SUPV3L1: variants seen among roughly 807,000 people sequenced by gnomAD.
The protein encoded by SUPV3L1 is Suv3 like RNA helicase.
In SUPV3L1, 35 loss-of-function variants were observed where a neutral mutation model predicts 70.0. The ratio of observed to expected loss-of-function variants is 0.50; its 90% CI spans 0.38 to 0.66. The LOEUF (loss-of-function observed/expected upper bound fraction) is 0.66, where lower values mean the gene tolerates loss of function less well. Ranked by LOEUF, SUPV3L1 falls within the 30% of genes least tolerant of loss-of-function variation. The probability of loss-of-function intolerance (pLI) is 0.00; values close to 1 mark genes in which losing one functional copy is unlikely to be tolerated. For missense variants in SUPV3L1, 777 were observed against 961.5 expected (o/e 0.81, Z 2.54); for synonymous variants, 364 against 341.9 (o/e 1.06, Z -0.71).
At chr10:69,189,557 G>C (rs752201849) in intron 5 of SUPV3L1, 122 bp downstream of exon 5, 3 of 1,008,580 alleles carry the variant, frequency 3.0e-6, no homozygotes, top group Non-Finnish European at 4.1e-6. Flanking sequence ...TTGTGTCTAA[G>C]AGGCTGTCAA....
chr10:69,196,986 T>G lies in SUPV3L1; in HGVS notation c.932-6T>G. The G allele has an allele frequency of 6.2e-7, 1 of 1,613,460 alleles. No individual in the cohort carries two copies. The highest frequency in any genetic ancestry group is 2.2e-5 in the East Asian group (1 of 44,872). Reference sequence around the variant, plus strand: ...AAAATTAAGAAACCCAGTTTTGCATTGACAGGACTGTGTGCTGAAGAGGTT... The same window carrying G: ...AAAATTAAGAAACCCAGTTTTGCATGGACAGGACTGTGTGCTGAAGAGGTT... On this transcript the variant is annotated splice_polypyrimidine_tract_variant and splice_region_variant and intron_variant, in intron 7 of 14. Coordinates refer to ENST00000359655, the MANE Select transcript of SUPV3L1 (RefSeq NM_003171.5).
intron 3 of SUPV3L1, 164 bp from the exon 4 acceptor site, chr10:69,187,478 A>G (rs989875771): frequency 4.2e-6 from 2 of 479,598 alleles, no homozygotes; most frequent in African/African-American, 4.0e-5. Flanking sequence ...TCAGCTTTCC[A>G]AAGTGGTGGG....
intron 3 of SUPV3L1, 153 bp from the exon 4 acceptor site, chr10:69,187,489 A>T: frequency 1.9e-6 from 1 of 521,768 alleles, no homozygotes; most frequent in Non-Finnish European, 3.4e-6. Context: ...AAGTGGTGGG[A>T]TTGTTGACGT....
Position 69,196,995 on chromosome 10 carries a change from T to C in SUPV3L1, c.935T>C (p.Leu312Pro). ...GWAWTRALLG[L>P]CAEEVHLCGE... is the part of the protein sequence containing the mutation. ...AAACCCAGTTTTGCATTGACAGGAC[T>C]GTGTGCTGAAGAGGTTCATTTGTGT... Residue 312 changes from leucine to proline, a missense_variant, in exon 8 of 15, where the codon CTG (leucine) becomes CCG (proline). Leu to Pro is a moderately conservative substitution (Grantham distance 98, BLOSUM62 -3). Coordinates refer to ENST00000359655, the MANE Select transcript of SUPV3L1 (RefSeq NM_003171.5). 1.2e-6 allele frequency: 2 copies of C among 1,614,010 alleles called. No individual in the cohort carries two copies. The highest frequency in any genetic ancestry group is 8.5e-7 in the Non-Finnish European group (1 of 1,179,894).
chr10:69,186,305 T>C, intron 2 of SUPV3L1, 138 bp from the exon 3 acceptor site: 1 of 575,336 alleles, frequency 1.7e-6, no homozygotes, highest in Non-Finnish European at 2.7e-6. Flanking sequence ...GCCCAGATCA[T>C]AATAAACCAG....
chr10:69,186,465 C>T lies in SUPV3L1; in HGVS notation c.372C>T (p.Phe124=). 1 of 1,613,482 alleles carries T rather than the reference C, an allele frequency of 6.2e-7. No individual in the cohort carries two copies. The highest frequency in any genetic ancestry group is 8.5e-7 in the Non-Finnish European group (1 of 1,179,710). ...GLDARLFHQA[F]ISFRNYIMQS... is the part of the protein sequence containing the mutation. ...CAGCTCGTCTCTTCCACCAAGCTTT[C>T]ATAAGCTTTAGAAATTATATTATGC... Residue 124 remains phenylalanine, a synonymous_variant, in exon 3 of 15, where the codon TTC becomes TTT. Transcript: ENST00000359655.
At chr10:69,185,935 T>C (rs1842214406) in intron 1 of SUPV3L1, 52 bp from the exon 2 acceptor site, 1 of 1,415,862 alleles carries the variant, frequency 7.1e-7, no homozygotes. Context: ...TTGCTTTTTT[T>C]CAGCATTTAT....
chr10:69,194,344 A>C (rs560055751), intron 6 of SUPV3L1, among the ~76,000 whole-genome samples: 5 of 151,788 alleles, frequency 3.3e-5, no homozygotes, highest in Non-Finnish European at 7.4e-5. Context: ...CTCATCTCTA[A>C]AGAAAAAAAA....
chr10:69,184,332 C>G (rs944995953), intron 1 of SUPV3L1, among the ~76,000 whole-genome samples: 1 of 151,900 alleles, frequency 6.6e-6, no homozygotes, highest in Non-Finnish European at 1.5e-5. Flanking sequence ...AGTTCGAGAC[C>G]GGCCTGACCA....
At position 69,180,448 on chromosome 10, in the gene SUPV3L1, T is replaced by C; in HGVS notation, c.157T>C (p.Ser53Pro). Reference protein sequence around the residue: ...SVLATASSSASGGSKIPNTSL... With the variant: ...SVLATASSSAPGGSKIPNTSL... ...CCTTGCCACCGCCTCCTCCTCTGCC[T>C]CCGGTGGCTCCAAAATACCAAACAC... The change falls in exon 1 of 15, where the codon TCC (serine) becomes CCC (proline). Residue 53 changes from serine (S) to proline (P), a missense_variant. Ser to Pro is a moderately conservative substitution (Grantham distance 74). Around this residue, in one of 2 missense-constraint regions of SUPV3L1, gnomAD observed 158 missense variants for 138.3 expected, o/e 1.14. Transcript: ENST00000359655. 6.2e-7 allele frequency: 1 copy of C among 1,614,232 alleles called. No individual in the cohort carries two copies. Among genetic ancestry groups the C allele is most frequent in the African/African-American group, 1.3e-5 (1 of 75,060 alleles).
chr10:69,202,563 A>G (rs1174071957), intron 12 of SUPV3L1, 44 bp downstream of exon 12: 1 of 1,541,956 alleles, frequency 6.5e-7, no homozygotes, highest in Non-Finnish European at 8.9e-7. Flanking sequence ...AAATGTTGAT[A>G]TGTCAGGTGA....
chr10:69,197,180 A>G, intron 8 of SUPV3L1, 97 bp downstream of exon 8: 1 of 919,108 alleles, frequency 1.1e-6, no homozygotes. Flanking sequence ...CCAGCGTCAG[A>G]ACTTAACTAA....
At chr10:69,186,175 C>A in intron 2 of SUPV3L1, 111 bp downstream of exon 2, 1 of 987,674 alleles carries the variant, frequency 1.0e-6, no homozygotes, top group Non-Finnish European at 1.6e-6. Context: ...GGAGACACGT[C>A]CCTGCTCTTT....
At chr10:69,188,990 T>G (rs1842312450) in intron 4 of SUPV3L1, among the ~76,000 whole-genome samples, 1 of 152,226 alleles carries the variant, frequency 6.6e-6, no homozygotes, top group African/African-American at 2.4e-5. Flanking sequence ...TTAAATTTAT[T>G]TTTAGTAACC....
At chr10:69,187,981 A>C (rs1349209647) in intron 4 of SUPV3L1, among the ~76,000 whole-genome samples, 2 of 152,206 alleles carry the variant, frequency 1.3e-5, no homozygotes, top group African/African-American at 2.4e-5. Flanking sequence ...CAGATCTAGA[A>C]TAGCCCTGAC....
Position 69,188,090 on chromosome 10 carries a change from A to G in SUPV3L1, c.572+334A>G, listed in dbSNP as rs76378950. Reference sequence around the variant, plus strand: ...TCTTTCCACCATGGCTGGAACTGCAACATCACCTAGCACTTGAGACGTCTT... The same window carrying G: ...TCTTTCCACCATGGCTGGAACTGCAGCATCACCTAGCACTTGAGACGTCTT... On this transcript the variant is annotated intron_variant, in intron 4 of 14. Coordinates refer to ENST00000359655, the MANE Select transcript of SUPV3L1 (RefSeq NM_003171.5). 1.4e-4 allele frequency among the ~76,000 whole-genome samples: 22 copies of G among 152,252 alleles called. 1 individual carries two copies. The East Asian group carries it at 4.1e-3, about 28-fold the overall frequency.
At chr10:69,184,699 A>T (rs1842168599) in intron 1 of SUPV3L1, among the ~76,000 whole-genome samples, 1 of 151,500 alleles carries the variant, frequency 6.6e-6, no homozygotes, top group African/African-American at 2.4e-5. Context: ...AGATCTAGTG[A>T]TTCTGAAATT....
intron 1 of SUPV3L1, among the ~76,000 whole-genome samples, chr10:69,181,026 G>C (rs1842041491): frequency 6.6e-6 from 1 of 152,138 alleles, no homozygotes; most frequent in South Asian, 2.1e-4. Flanking sequence ...ACCAGACTCA[G>C]ATCCAGATCC....
At chr10:69,198,801 T>C (rs954426998) in intron 9 of SUPV3L1, among the ~76,000 whole-genome samples, 1 of 152,230 alleles carries the variant, frequency 6.6e-6, no homozygotes, top group African/African-American at 2.4e-5. Context: ...TATTATTTTC[T>C]TACAGAAATG....
Sources: gnomAD v4.1 joint callset for allele counts (sites outside exome capture counted in the v4.1 genomes callset) on GRCh38, gnomAD v4.1.1 for gene constraint, gnomAD v4.1.1 regional missense constraint, MANE v1.5 for transcripts, NCBI Gene and HGNC (gene_info 2026-07-23, HGNC 2026-07-21) for gene names.